The following WDR7 variants were observed in gnomAD, a reference collection of about 807,000 sequenced individuals.
The protein encoded by WDR7 is WD repeat domain 7, also known as WD repeat-containing protein 7.
Under a neutral mutation model 169.4 loss-of-function variants are expected in WDR7, and 46 were observed. That is an observed-to-expected ratio of 0.27 (90% CI 0.21 to 0.35). The LOEUF (loss-of-function observed/expected upper bound fraction) is 0.35, where lower values mean the gene tolerates loss of function less well. Among genes scored for constraint, WDR7 ranks in the 10% least tolerant of loss-of-function variants. The probability of loss-of-function intolerance (pLI) is 1.00; values close to 1 mark genes in which losing one functional copy is unlikely to be tolerated. For synonymous variants in WDR7, 612 were observed against 666.8 expected (o/e 0.92, Z 1.27); for missense variants, 1,534 against 1,859.3 (o/e 0.83, Z 3.22).
chr18:56,997,867 T>A (rs1182620906), intron 26 of WDR7, among the ~76,000 whole-genome samples: 4 of 152,216 alleles, frequency 2.6e-5, no homozygotes, highest in East Asian at 3.8e-4. Flanking sequence ...TGCAGTTTTT[T>A]AAATTCAATT....
chr18:56,862,404 T>C (rs564706249), intron 20 of WDR7, among the ~76,000 whole-genome samples: 1 of 151,640 alleles, frequency 6.6e-6, no homozygotes, highest in South Asian at 2.1e-4. Flanking sequence ...TTATTTATCT[T>C]AATTTTATAC....
At chr18:56,841,787 A>G (rs895439346) in intron 20 of WDR7, among the ~76,000 whole-genome samples, 5 of 151,866 alleles carry the variant, frequency 3.3e-5, no homozygotes, top group African/African-American at 1.2e-4. Context: ...AAAGAGTGTA[A>G]TGTCATGGTT....
At chr18:56,942,368 TG>T (rs1341889681) in intron 25 of WDR7, among the ~76,000 whole-genome samples, 4 of 152,176 alleles carry the variant, frequency 2.6e-5, no homozygotes, top group Non-Finnish European at 5.9e-5. Flanking sequence ...TTGTGCCAGT[TG>T]GGGATCTTAT....
intron 19 of WDR7, among the ~76,000 whole-genome samples, chr18:56,796,803 GGCATGGAAGAAAAA>G (rs2044592193): frequency 6.6e-6 from 1 of 152,086 alleles, no homozygotes; most frequent in Admixed American, 6.5e-5. Context: ...TTTCTTCCAT[GGCATGGAAGAAAAA>G]AGGAAACGTC....
At chr18:56,839,146 A>G (rs569858824) in intron 20 of WDR7, among the ~76,000 whole-genome samples, 5 of 152,326 alleles carry the variant, frequency 3.3e-5, no homozygotes, top group Admixed American at 2.6e-4. Flanking sequence ...TTATTGATAT[A>G]TAAATAGTTG....
At chr18:56,853,737 A>AT (rs1275095913) in intron 20 of WDR7, among the ~76,000 whole-genome samples, 1 of 152,100 alleles carries the variant, frequency 6.6e-6, no homozygotes, top group Non-Finnish European at 1.5e-5. Flanking sequence ...TGTCTCATAT[A>AT]TTGGTATGCC....
At chr18:56,670,943 T>C (rs2025121776) in intron 1 of WDR7, among the ~76,000 whole-genome samples, 1 of 152,188 alleles carries the variant, frequency 6.6e-6, no homozygotes, top group Non-Finnish European at 1.5e-5. Context: ...CCAGTCTTCT[T>C]TTTCTAACTT....
intron 16 of WDR7, among the ~76,000 whole-genome samples, chr18:56,766,470 C>T (rs1414415783): frequency 6.6e-6 from 1 of 152,156 alleles, no homozygotes; most frequent in African/African-American, 2.4e-5. Context: ...GAGATAGTTT[C>T]CATTGCAATG....
intron 13 of WDR7, among the ~76,000 whole-genome samples, chr18:56,725,053 T>C (rs1452292026): frequency 6.6e-6 from 1 of 151,320 alleles, no homozygotes; most frequent in Non-Finnish European, 1.5e-5. Flanking sequence ...CAGTCTATCA[T>C]TGTTGGACAT....
intron 12 of WDR7, among the ~76,000 whole-genome samples, chr18:56,708,050 C>G (rs78236101): frequency 4.1e-5 from 2 of 48,388 alleles, no homozygotes; most frequent in African/African-American, 1.6e-4. Flanking sequence ...TTTTTTTTTT[C>G]TGAGACAGAG....
chr18:56,762,648 C>T (rs1462883135), intron 16 of WDR7, among the ~76,000 whole-genome samples: 2 of 151,658 alleles, frequency 1.3e-5, no homozygotes, highest in Non-Finnish European at 2.9e-5. Context: ...TCTCTTTTTG[C>T]TTCATCAGTC....
chr18:57,015,191 T>C (rs2048189906), intron 26 of WDR7, among the ~76,000 whole-genome samples: 1 of 152,226 alleles, frequency 6.6e-6, no homozygotes, highest in Non-Finnish European at 1.5e-5. Flanking sequence ...ATGGGTGACC[T>C]TTCAGTGTTC....
intron 17 of WDR7, among the ~76,000 whole-genome samples, chr18:56,778,187 A>C (rs2044267644): frequency 6.6e-6 from 1 of 152,162 alleles, no homozygotes; most frequent in Admixed American, 6.5e-5. Flanking sequence ...TCCTCACTGA[A>C]AGGATGAATC....
intron 19 of WDR7, among the ~76,000 whole-genome samples, chr18:56,793,599 T>G (rs2044530714): frequency 6.6e-6 from 1 of 152,238 alleles, no homozygotes; most frequent in African/African-American, 2.4e-5. Context: ...AATTTTTGGT[T>G]GAGGAATTCT....
At chr18:56,999,767 G>T (rs1177437061) in intron 26 of WDR7, among the ~76,000 whole-genome samples, 3 of 152,114 alleles carry the variant, frequency 2.0e-5, no homozygotes, top group Non-Finnish European at 2.9e-5. Flanking sequence ...GAGACAGGAG[G>T]AAGGATGGCA....
At chr18:56,902,576 C>T (rs1185415312) in intron 21 of WDR7, among the ~76,000 whole-genome samples, 2 of 152,092 alleles carry the variant, frequency 1.3e-5, no homozygotes, top group African/African-American at 4.8e-5. Context: ...GTATTAAGGA[C>T]TATTGTATCA....
chr18:57,016,199 C>T (rs2048204707), intron 26 of WDR7, among the ~76,000 whole-genome samples: 1 of 152,154 alleles, frequency 6.6e-6, no homozygotes, highest in South Asian at 2.1e-4. Flanking sequence ...CCCACAGCCA[C>T]ACCGGCCGCT....
At chr18:56,864,952 T>C (rs1395896645) in intron 20 of WDR7, among the ~76,000 whole-genome samples, 1 of 152,016 alleles carries the variant, frequency 6.6e-6, no homozygotes, top group African/African-American at 2.4e-5. Flanking sequence ...ATTGTAGCTC[T>C]GTGAGGTTAT....
At chr18:56,751,986 T>G (rs1313147492) in intron 14 of WDR7, among the ~76,000 whole-genome samples, 2 of 152,228 alleles carry the variant, frequency 1.3e-5, no homozygotes, top group Non-Finnish European at 2.9e-5. Flanking sequence ...TTGCTCCCTT[T>G]AGCCAACATT....
Sources: gnomAD v4.1 joint callset for allele counts (sites outside exome capture counted in the v4.1 genomes callset) on GRCh38, gnomAD v4.1.1 for gene constraint, MANE v1.5 for transcripts, NCBI Gene and HGNC (gene_info 2026-07-23, HGNC 2026-07-21) for gene names.